Variants in EXTL3 observed in about 807,000 individuals in gnomAD.
The protein encoded by EXTL3 is exostosin like glycosyltransferase 3, also known as exostosin-like 3.
Under a neutral mutation model 69.3 loss-of-function variants are expected in EXTL3, and 27 were observed. The ratio of observed to expected loss-of-function variants is 0.39; its 90% CI spans 0.29 to 0.54. The LOEUF is 0.54. EXTL3 is among the 20% of genes least tolerant of loss of function. EXTL3 has a pLI of 0.69. For missense variants in EXTL3, 1,003 were observed against 1,231.8 expected (o/e 0.81, Z 2.78); for synonymous variants, 511 against 499.4 (o/e 1.02, Z -0.31).
chr8:28,622,450 G>A (rs1806426555), upstream of EXTL3, among the ~76,000 whole-genome samples: 1 of 152,200 alleles, frequency 6.6e-6, no homozygotes, highest in Non-Finnish European at 1.5e-5. Context: ...GGGCTCTGGG[G>A]CCTGCACGAC....
chr8:28,632,616 C>G (rs966983758), intron 1 of EXTL3, among the ~76,000 whole-genome samples: 1 of 143,794 alleles, frequency 7.0e-6, no homozygotes, highest in Non-Finnish European at 1.5e-5. Context: ...TAGAGTGGTA[C>G]GATCTCGGCT....
chr8:28,626,605 A>T (rs1235541723), intron 1 of EXTL3, among the ~76,000 whole-genome samples: 2 of 152,154 alleles, frequency 1.3e-5, no homozygotes. Flanking sequence ...GTAAGTGTTT[A>T]CTTAGGCACT....
Position 28,716,579 on chromosome 8 carries a change from A to G in EXTL3, c.520A>G (p.Thr174Ala). The G allele has an allele frequency of 6.2e-7, 1 of 1,614,052 alleles. No homozygotes were observed. The highest frequency in any genetic ancestry group is 8.5e-7 in the Non-Finnish European group (1 of 1,179,988). Residue 174 changes from threonine to alanine, a missense_variant, in exon 3 of 7, where the codon ACT becomes GCT. By Grantham distance (58) the Thr-to-Ala change is moderately conservative. Around this residue, in one of 2 missense-constraint regions of EXTL3, gnomAD observed 742 missense variants for 815.4 expected, o/e 0.91. Coordinates refer to ENST00000220562, the MANE Select transcript of EXTL3 (RefSeq NM_001440.4). The surrounding 1 kb of genome is among the most constrained non-coding windows in gnomAD (Gnocchi z 7.1). ...DDAGLPPPKA[T>A]RGCRLHNCFD... ...TGCCGGCCTCCCTCCCCCGAAGGCC[A>G]CTCGGGGCTGCCGGCTACACAACTG...
intron 3 of EXTL3, among the ~76,000 whole-genome samples, chr8:28,722,180 C>T (rs1469594404): frequency 6.6e-6 from 1 of 152,020 alleles, no homozygotes; most frequent in African/African-American, 2.4e-5. Flanking sequence ...CCGGGTGGCG[C>T]GTTTGAAGGA....
At chr8:28,699,134 A>G (rs901303981), upstream of EXTL3, among the ~76,000 whole-genome samples, 2 of 152,170 alleles carry the variant, frequency 1.3e-5, no homozygotes, top group Non-Finnish European at 2.9e-5. Context: ...GCACTACTGC[A>G]CTACTACACT....
chr8:28,627,257 C>T (rs1381721450), intron 1 of EXTL3, among the ~76,000 whole-genome samples: 1 of 151,658 alleles, frequency 6.6e-6, no homozygotes, highest in African/African-American at 2.4e-5. Context: ...ATGACTAATC[C>T]CAGCACTTTG....
At chr8:28,738,181 G>A (rs1226806234) in intron 5 of EXTL3, among the ~76,000 whole-genome samples, 1 of 152,198 alleles carries the variant, frequency 6.6e-6, no homozygotes, top group African/African-American at 2.4e-5. Context: ...GGACCCTGCA[G>A]TCTTTCCTCC....
intron 6 of EXTL3, 72 bp downstream of exon 6, chr8:28,743,286 C>A: frequency 6.6e-7 from 1 of 1,506,436 alleles, no homozygotes; most frequent in Non-Finnish European, 9.2e-7. Flanking sequence ...TAGTGCAGCA[C>A]GTAACTGCAC....
chr8:28,721,937 A>G (rs1801299680), intron 3 of EXTL3, among the ~76,000 whole-genome samples: 1 of 152,052 alleles, frequency 6.6e-6, no homozygotes, highest in Non-Finnish European at 1.5e-5. Flanking sequence ...TTCCCTTCAC[A>G]CTGTATACTC....
In EXTL3 at chr8:28,716,761, C is replaced by T. The variant is rs367674865; in HGVS notation, c.702C>T (p.Ile234=). The T allele has an allele frequency of 6.2e-6, 10 of 1,614,092 alleles. No homozygotes were observed. The highest frequency in any genetic ancestry group is 4.5e-5 in the East Asian group (2 of 44,900). Reference sequence around the variant, plus strand: ...TTTATGTTACAGAAAATGCAGACATCGCCTGCCTTTACGTGATACTAGTGG... The same window carrying T: ...TTTATGTTACAGAAAATGCAGACATTGCCTGCCTTTACGTGATACTAGTGG... ...ANVYVTENAD[I]ACLYVILVGE... is the part of the protein sequence containing the mutation. Residue 234 remains isoleucine, a synonymous_variant, in exon 3 of 7, where the codon ATC becomes ATT. Coordinates refer to ENST00000220562, the MANE Select transcript of EXTL3 (RefSeq NM_001440.4). The surrounding 1 kb of genome is among the most constrained non-coding windows in gnomAD (Gnocchi z 7.1).
intron 1 of EXTL3, among the ~76,000 whole-genome samples, chr8:28,662,413 A>G (rs2130624918): frequency 6.6e-6 from 1 of 152,354 alleles, no homozygotes; most frequent in South Asian, 2.1e-4. Flanking sequence ...TGTCATCAGT[A>G]GTAGTAATAC....
chr8:28,748,368 C>CAAA (rs34255549), intron 6 of EXTL3, among the ~76,000 whole-genome samples: 2 of 128,316 alleles, frequency 1.6e-5, no homozygotes, highest in Non-Finnish European at 3.3e-5. Flanking sequence ...GAGACTGTCT[C>CAAA]AAAAAAAAAA....
intron 2 of EXTL3, among the ~76,000 whole-genome samples, chr8:28,609,280 G>A (rs779761322): frequency 5.3e-5 from 8 of 152,008 alleles, no homozygotes; most frequent in African/African-American, 1.7e-4. Flanking sequence ...GTGGGAAATC[G>A]TTGGAAAGCT....
intron 1 of EXTL3, among the ~76,000 whole-genome samples, chr8:28,686,825 GTGCCAGCT>G (rs1301658544): frequency 6.6e-6 from 1 of 152,204 alleles, no homozygotes; most frequent in East Asian, 1.9e-4. Flanking sequence ...TGCTTACTGT[GTGCCAGCT>G]ATTTTACATA....
intron 1 of EXTL3, among the ~76,000 whole-genome samples, chr8:28,655,554 G>A (rs530655039): frequency 3.7e-4 from 54 of 146,866 alleles, no homozygotes; most frequent in Non-Finnish European, 3.1e-4. Context: ...GCAGTGGCAC[G>A]ATCATAGCTC....
Position 28,705,445 on chromosome 8 carries a change from C to G in EXTL3, c.-570+3786C>G, listed in dbSNP as rs1343404324. Among the ~76,000 whole-genome samples, 3 of 151,624 alleles carry G rather than the reference C, an allele frequency of 2.0e-5. No homozygotes were observed. In the South Asian group the frequency reaches 6.2e-4, roughly 31 times the overall value. On this transcript the variant is annotated intron_variant, in intron 1 of 6. Transcript: ENST00000220562. ...TCATAAGCTGATTTAAGGCTGGGCA[C>G]GGTGGCTCACACCTGTAATCCCAGC...
At chr8:28,688,653 G>A (rs1428183796) in intron 1 of EXTL3, among the ~76,000 whole-genome samples, 2 of 152,230 alleles carry the variant, frequency 1.3e-5, no homozygotes, top group Non-Finnish European at 2.9e-5. Flanking sequence ...CGTGTTGTAA[G>A]ATGATGGTAG....
intron 1 of EXTL3, among the ~76,000 whole-genome samples, chr8:28,647,565 G>C (rs1806853623): frequency 6.6e-6 from 1 of 152,048 alleles, no homozygotes; most frequent in South Asian, 2.1e-4. Context: ...CAGTGGAGCA[G>C]ATGGTATTCA....
chr8:28,663,897 C>T (rs1295265049), intron 1 of EXTL3, among the ~76,000 whole-genome samples: 4 of 152,216 alleles, frequency 2.6e-5, no homozygotes, highest in Non-Finnish European at 5.9e-5. Flanking sequence ...GCTGCCATTG[C>T]TGGCGGCAGG....
Sources: gnomAD v4.1 joint callset for allele counts (sites outside exome capture counted in the v4.1 genomes callset) on GRCh38, gnomAD v4.1.1 for gene constraint, gnomAD v4.1.1 regional missense constraint, Gnocchi (gnomAD v3.1) non-coding constraint, MANE v1.5 for transcripts, NCBI Gene and HGNC (gene_info 2026-07-23, HGNC 2026-07-21) for gene names.